LAMA2: variants seen among roughly 807,000 people sequenced by gnomAD.
The protein encoded by LAMA2 is laminin subunit alpha-2.
LAMA2 carries 269 observed loss-of-function variants against 364.8 expected under a neutral mutation model. The ratio of observed to expected loss-of-function variants is 0.74; its 90% confidence interval spans 0.67 to 0.82. The LOEUF is 0.82. Among genes scored for constraint, LAMA2 ranks in the 40% least tolerant of loss-of-function variants. The pLI, the probability that LAMA2 is intolerant of heterozygous loss-of-function variation, is 0.00. For missense variants in LAMA2, 3,807 were observed against 3,873.2 expected (o/e 0.98, Z 0.45); for synonymous variants, 1,379 against 1,370.6 (o/e 1.01, Z -0.14).
At chr6:128,952,259 C>G (rs1427601751) in intron 1 of LAMA2, among the ~76,000 whole-genome samples, 1 of 152,052 alleles carries the variant, frequency 6.6e-6, no homozygotes, top group African/African-American at 2.4e-5. Context: ...TATGAAAAAG[C>G]AAATATCTTT....
chr6:129,402,338 C>A lies in LAMA2; in HGVS notation c.5577C>A (p.Ile1859=), dbSNP rs1394732590. Residue 1859 remains isoleucine, a synonymous_variant, in exon 39 of 65, where the codon ATC becomes ATA. Coordinates refer to ENST00000421865, the MANE Select transcript of LAMA2 (RefSeq NM_000426.4). The stretch of plus-strand genomic sequence containing the variant: ...CTACATATCAGTATGTTGAAGACAT[C>A]CAAACTAAATTGCCACCTATGTCTG... ...INSIIDYVED[I]QTKLPPMSEE... 6.2e-7 allele frequency: 1 copy of A among 1,613,512 alleles called. No individual in the cohort carries two copies. The highest frequency in any genetic ancestry group is 1.7e-5 in the Admixed American group (1 of 60,000).
chr6:129,246,788 C>T (rs770137549), intron 12 of LAMA2, among the ~76,000 whole-genome samples: 8 of 152,084 alleles, frequency 5.3e-5, no homozygotes, highest in Admixed American at 3.9e-4. Flanking sequence ...AGGCACAAAA[C>T]GAAGGCGGCA....
intron 1 of LAMA2, among the ~76,000 whole-genome samples, chr6:128,924,410 G>A (rs1487126172): frequency 2.0e-5 from 3 of 152,066 alleles, no homozygotes; most frequent in Non-Finnish European, 4.4e-5. Context: ...GCTCATAAAG[G>A]AGAAAGAGGA....
At chr6:128,940,317 G>T (rs907336729) in intron 1 of LAMA2, among the ~76,000 whole-genome samples, 1 of 151,842 alleles carries the variant, frequency 6.6e-6, no homozygotes, top group Non-Finnish European at 1.5e-5. Flanking sequence ...CTTTATTAGG[G>T]GTACTATGTT....
At chr6:129,472,474 G>C (rs1006016800) in intron 51 of LAMA2, among the ~76,000 whole-genome samples, 1 of 151,950 alleles carries the variant, frequency 6.6e-6, no homozygotes, top group Non-Finnish European at 1.5e-5. Context: ...GGATCAATGA[G>C]ATAAGGAGTT....
intron 55 of LAMA2, among the ~76,000 whole-genome samples, chr6:129,482,491 T>G (rs1298268091): frequency 2.0e-5 from 3 of 152,190 alleles, no homozygotes; most frequent in South Asian, 2.1e-4. Context: ...AGGAATTATT[T>G]TGTCTGCCAT....
At chr6:129,129,376 T>C (rs1777311993) in intron 4 of LAMA2, among the ~76,000 whole-genome samples, 1 of 152,268 alleles carries the variant, frequency 6.6e-6, no homozygotes, top group African/African-American at 2.4e-5. Context: ...TACAAATTTG[T>C]ATTTTTACTT....
intron 3 of LAMA2, among the ~76,000 whole-genome samples, chr6:129,080,980 C>G (rs570667996): frequency 6.6e-6 from 1 of 152,208 alleles, no homozygotes; most frequent in South Asian, 2.1e-4. Context: ...ATAGCAAAGA[C>G]TTGGAACCAA....
intron 1 of LAMA2, among the ~76,000 whole-genome samples, chr6:129,028,277 T>TTGTA (rs1236049759): frequency 2.0e-5 from 3 of 151,886 alleles, no homozygotes; most frequent in Non-Finnish European, 4.4e-5. Flanking sequence ...CTAACTCATA[T>TTGTA]TGTATATCAG....
At chr6:128,995,123 T>G (rs1214868001) in intron 1 of LAMA2, among the ~76,000 whole-genome samples, 4 of 152,244 alleles carry the variant, frequency 2.6e-5, no homozygotes, top group Admixed American at 2.6e-4. Context: ...ATTCGGTTTT[T>G]AAAACTGAAT....
chr6:129,329,551 G>A (rs9388695), intron 29 of LAMA2, among the ~76,000 whole-genome samples: 51,369 of 151,692 alleles, frequency 0.34, 10,195 homozygotes, highest in Non-Finnish European at 0.44. Flanking sequence ...TAGTAGAGAC[G>A]GGGTTTCACC....
chr6:128,978,463 G>A (rs760108130), intron 1 of LAMA2, among the ~76,000 whole-genome samples: 10 of 151,430 alleles, frequency 6.6e-5, no homozygotes, highest in Admixed American at 1.3e-4. Context: ...GATTACAGGC[G>A]CCTGCCACCA....
At chr6:128,929,436 G>A in intron 1 of LAMA2, 2 of 845,406 alleles carry the variant, frequency 2.4e-6, no homozygotes, top group Non-Finnish European at 4.2e-6. Flanking sequence ...TTTTGGAGAA[G>A]GAGTGGACGG....
At chr6:129,249,029 C>T (rs373248314) in intron 12 of LAMA2, among the ~76,000 whole-genome samples, 1 of 152,288 alleles carries the variant, frequency 6.6e-6, no homozygotes, top group South Asian at 2.1e-4. Context: ...GAAGACATTG[C>T]AGAGCTGCAA....
chr6:129,401,336 T>C lies in LAMA2; in HGVS notation c.5558T>C (p.Ile1853Thr). 2 of 1,556,162 alleles carry C rather than the reference T, an allele frequency of 1.3e-6. No homozygotes were observed. The highest frequency in any genetic ancestry group is 1.8e-6 in the Non-Finnish European group (2 of 1,127,678). Reference sequence around the variant, plus strand: ...CTTGCAGATGAAATCAACTCCATCATAGACGTGAGTATTGGGTAAAACTCA... The same window carrying C: ...CTTGCAGATGAAATCAACTCCATCACAGACGTGAGTATTGGGTAAAACTCA... ...NRLADEINSI[I>T]DYVEDIQTKL... Residue 1853 changes from isoleucine (I) to threonine (T), a missense_variant, in exon 38 of 65, where the codon ATA becomes ACA. Transcript: ENST00000421865.
chr6:129,265,897 T>G (rs868855398), intron 15 of LAMA2, among the ~76,000 whole-genome samples: 2 of 152,132 alleles, frequency 1.3e-5, no homozygotes, highest in Admixed American at 6.6e-5. Flanking sequence ...ACACTTTTTT[T>G]GGTACTGTTC....
intron 12 of LAMA2, among the ~76,000 whole-genome samples, chr6:129,220,552 A>G (rs952108819): frequency 3.3e-5 from 5 of 152,368 alleles, no homozygotes; most frequent in African/African-American, 1.2e-4. Flanking sequence ...TATTTTCTGC[A>G]TAATATAGCT....
chr6:129,062,865 CA>C (rs1355659022), intron 3 of LAMA2, among the ~76,000 whole-genome samples: 3 of 148,280 alleles, frequency 2.0e-5, no homozygotes, highest in African/African-American at 7.4e-5. Context: ...TTAAACATAA[CA>C]GAAACGATTG....
chr6:129,505,601 C>T (rs577734484), intron 61 of LAMA2, among the ~76,000 whole-genome samples: 10 of 152,220 alleles, frequency 6.6e-5, no homozygotes, highest in African/African-American at 1.7e-4. Context: ...CTCTCCCTCC[C>T]GGGTTCACGC....
Sources: allele counts gnomAD v4.1 joint callset (sites outside exome capture counted in the v4.1 genomes callset), GRCh38; gene constraint gnomAD v4.1.1; transcripts MANE v1.5; gene names NCBI Gene and HGNC (gene_info 2026-07-23, HGNC 2026-07-21).